The following GALNT13 variants were observed in gnomAD, a reference collection of about 807,000 sequenced individuals.
GALNT13 encodes the protein UDP-GalNAc:polypeptide N-acetylgalactosaminyltransferase 13.
A neutral mutation model predicts 64.2 loss-of-function variants in GALNT13; 28 were observed. The observed-to-expected ratio is 0.44, with a 90% CI of 0.32 to 0.60. The LOEUF is 0.60. GALNT13 is among the 20% of genes least tolerant of loss of function. GALNT13 has a pLI of 0.05. For synonymous variants in GALNT13, 214 were observed against 224.6 expected (o/e 0.95, Z 0.42); for missense variants, 577 against 669.8 (o/e 0.86, Z 1.53).
the GALNT13 span, among the ~76,000 whole-genome samples, chr2:153,377,851 G>A: frequency 6.6e-6 from 1 of 151,998 alleles, no homozygotes; most frequent in Non-Finnish European, 1.5e-5. Flanking sequence ...ACAATAAAGA[G>A]AGTTCGAGAA....
chr2:154,393,968 C>T (rs958548210), intron 9 of GALNT13, among the ~76,000 whole-genome samples: 4 of 142,824 alleles, frequency 2.8e-5, no homozygotes, highest in African/African-American at 7.7e-5. Context: ...GTCCCAGCTA[C>T]TTGGGAGGCT....
chr2:153,699,025 C>T, the GALNT13 span, among the ~76,000 whole-genome samples: 2 of 152,144 alleles, frequency 1.3e-5, no homozygotes, highest in African/African-American at 4.8e-5. Flanking sequence ...GAGATCAAGA[C>T]CATCCTGGCC....
At chr2:153,582,721 A>G in the GALNT13 span, among the ~76,000 whole-genome samples, 1 of 152,124 alleles carries the variant, frequency 6.6e-6, no homozygotes, top group African/African-American at 2.4e-5. Context: ...CTATTATTCA[A>G]AGAGTCGGAT....
At chr2:153,757,291 T>C in the GALNT13 span, among the ~76,000 whole-genome samples, 1 of 152,170 alleles carries the variant, frequency 6.6e-6, no homozygotes, top group African/African-American at 2.4e-5. Flanking sequence ...ATAGCTGGCT[T>C]ATTTTACTTA....
chr2:153,945,560 T>G (rs1292400435), intron 3 of GALNT13, among the ~76,000 whole-genome samples: 1 of 152,154 alleles, frequency 6.6e-6, no homozygotes, highest in East Asian at 1.9e-4. Flanking sequence ...ATCTAAATTA[T>G]CAAGTTGAGA....
chr2:154,319,736 T>A (rs932137905), intron 9 of GALNT13, among the ~76,000 whole-genome samples: 3 of 152,130 alleles, frequency 2.0e-5, no homozygotes, highest in African/African-American at 7.2e-5. Flanking sequence ...TGATACTTTA[T>A]TCTAAAAATA....
At chr2:153,568,428 T>C in the GALNT13 span, among the ~76,000 whole-genome samples, 8 of 152,140 alleles carry the variant, frequency 5.3e-5, no homozygotes, top group African/African-American at 1.9e-4. Context: ...TTCATCAGTT[T>C]TTATTAATAT....
In GALNT13 at chr2:153,872,635, A is replaced by AGGGGGG. The variant is rs1558826747; in HGVS notation, c.-177+333_-177+334insGGGGGG. ...TGTTGGTGGCGGGGGGGGGGGGGGG[A>AGGGGGG]GCGGCTCTGGCCCCCTCTGCGTTCT... is the stretch of plus-strand genomic sequence containing the variant. On this transcript the variant is annotated intron_variant, in intron 1 of 12. Transcript: ENST00000392825. Among the ~76,000 whole-genome samples the AGGGGGG allele has an allele frequency of 4.7e-4, 20 of 42,294 alleles. 1 individual carries two copies. The highest frequency in any genetic ancestry group is 7.9e-4 in the South Asian group (1 of 1,260). The allele number at this position is 42,294 out of a possible 152,430, so 27.7% of individuals were successfully genotyped here.
the GALNT13 span, among the ~76,000 whole-genome samples, chr2:153,750,126 C>T: frequency 2.6e-5 from 4 of 151,860 alleles, no homozygotes; most frequent in Non-Finnish European, 3.0e-5. Flanking sequence ...CAATGTATCA[C>T]ACTGATTAAT....
At chr2:153,275,003 C>T in the GALNT13 span, among the ~76,000 whole-genome samples, 1 of 152,294 alleles carries the variant, frequency 6.6e-6, no homozygotes, top group Non-Finnish European at 1.5e-5. Context: ...TTTTCAACTG[C>T]AAATAAGTCC....
the GALNT13 span, among the ~76,000 whole-genome samples, chr2:153,788,857 G>A: frequency 6.6e-6 from 1 of 151,856 alleles, no homozygotes; most frequent in African/African-American, 2.4e-5. Flanking sequence ...GGCAAAAAGG[G>A]CATTACATAA....
At chr2:153,186,663 T>G in the GALNT13 span, among the ~76,000 whole-genome samples, 1 of 151,558 alleles carries the variant, frequency 6.6e-6, no homozygotes. Flanking sequence ...ACCTCCTGAG[T>G]TCAAGTGATT....
chr2:153,195,216 C>G, the GALNT13 span, among the ~76,000 whole-genome samples: 1 of 151,930 alleles, frequency 6.6e-6, no homozygotes, highest in Non-Finnish European at 1.5e-5. Context: ...TTGGGTGTCA[C>G]TTCTCTGGCT....
At chr2:153,466,567 T>A in the GALNT13 span, among the ~76,000 whole-genome samples, 2 of 152,052 alleles carry the variant, frequency 1.3e-5, no homozygotes, top group African/African-American at 4.8e-5. Context: ...ATCCTTGCTT[T>A]CCTCTAATGA....
At chr2:153,491,709 C>T in the GALNT13 span, among the ~76,000 whole-genome samples, 1 of 152,134 alleles carries the variant, frequency 6.6e-6, no homozygotes, top group South Asian at 2.1e-4. Flanking sequence ...CAGCCTCCAC[C>T]TCCCAGGTTC....
At chr2:153,272,684 C>A in the GALNT13 span, among the ~76,000 whole-genome samples, 14 of 152,216 alleles carry the variant, frequency 9.2e-5, no homozygotes, top group Non-Finnish European at 1.8e-4. Context: ...ATTATTAGTT[C>A]AACCATTGTG....
At chr2:154,417,604 G>A (rs799759) in intron 11 of GALNT13, among the ~76,000 whole-genome samples, 123,698 of 150,356 alleles carry the variant, frequency 0.82, 50,945 homozygotes, top group East Asian at 0.9. Context: ...TCCACCTCCC[G>A]GGTTCAAGTG....
At chr2:153,994,842 C>A (rs1695411816) in intron 3 of GALNT13, among the ~76,000 whole-genome samples, 1 of 151,868 alleles carries the variant, frequency 6.6e-6, no homozygotes, top group Non-Finnish European at 1.5e-5. Flanking sequence ...GAGTAGATTG[C>A]AAAAATTTTC....
At chr2:153,825,608 C>CTGTGTGTGTGTGTGTGTG in the GALNT13 span, among the ~76,000 whole-genome samples, 30 of 134,864 alleles carry the variant, frequency 2.2e-4, no homozygotes, top group African/African-American at 8.3e-4. Flanking sequence ...TCCATGAGTG[C>CTGTGTGTGTGTGTGTGTG]TGTGTGTGTG....
Sources: allele counts gnomAD v4.1 joint callset (sites outside exome capture counted in the v4.1 genomes callset), GRCh38; gene constraint gnomAD v4.1.1; transcripts MANE v1.5; gene names NCBI Gene and HGNC (gene_info 2026-07-23, HGNC 2026-07-21).